The following ELL2 variants were observed in gnomAD, a reference collection of about 807,000 sequenced individuals.
ELL2 encodes RNA polymerase II elongation factor ELL2.
In ELL2, 21 loss-of-function variants were observed where a neutral mutation model predicts 72.8. The observed-to-expected ratio is 0.29, with a 90% CI of 0.20 to 0.42. The LOEUF (loss-of-function observed/expected upper bound fraction) is 0.42. Among genes scored for constraint, ELL2 ranks in the 10% least tolerant of loss-of-function variants. The pLI, the probability that ELL2 is intolerant of heterozygous loss-of-function variation, is 1.00. For synonymous variants in ELL2, 266 were observed against 283.2 expected (o/e 0.94, Z 0.61); for missense variants, 568 against 772.8 (o/e 0.73, Z 3.14).
rs138685952 is a variant in ELL2, at chr5:95,931,859, A to G, written c.195+11143T>C. The stretch of plus-strand genomic sequence containing the variant: ...ATTCCCAGAGTCCCAGATACTAGCT[A>G]CAGCACAACAAAGAAACAAAGAAAA... On this transcript the variant is annotated intron_variant, in intron 2 of 11. Coordinates refer to ENST00000237853, the MANE Select transcript of ELL2 (RefSeq NM_012081.6). 1.1e-4 allele frequency among the ~76,000 whole-genome samples: 17 copies of G among 150,290 alleles called. No homozygotes were observed. The East Asian group carries it at 3.1e-3, about 27-fold the overall frequency.
intron 4 of ELL2, among the ~76,000 whole-genome samples, chr5:95,911,567 C>T (rs1317858098): frequency 4.6e-5 from 7 of 151,980 alleles, no homozygotes; most frequent in Admixed American, 3.9e-4. Context: ...AGGATGGTCT[C>T]GATCTCTTGA....
At chr5:95,893,636 C>T (rs1358355333) in intron 9 of ELL2, among the ~76,000 whole-genome samples, 3 of 152,182 alleles carry the variant, frequency 2.0e-5, no homozygotes, top group Admixed American at 6.5e-5. Flanking sequence ...CCGCCCACCT[C>T]GGCCTCCCAC....
At chr5:95,941,659 T>C (rs1400708582) in intron 2 of ELL2, among the ~76,000 whole-genome samples, 1 of 152,176 alleles carries the variant, frequency 6.6e-6, no homozygotes, top group East Asian at 1.9e-4. Context: ...GTAAGAGAAA[T>C]GCAGCTCAAA....
chr5:95,939,630 C>T (rs530796600), intron 2 of ELL2, among the ~76,000 whole-genome samples: 2 of 152,152 alleles, frequency 1.3e-5, no homozygotes, highest in Non-Finnish European at 2.9e-5. Context: ...AGCTCTGCCT[C>T]TATTAACTGT....
rs1253530728 is a variant in ELL2 at position 95,886,814 on chromosome 5, CT to C, written c.*2056del. 1.3e-5 allele frequency: 2 copies of C among 152,146 alleles called. No individual in the cohort carries two copies. The highest frequency in any genetic ancestry group is 2.9e-5 in the Non-Finnish European group (2 of 68,030). The allele number at this position is 152,146 out of a possible 1,614,324, so 9.4% of individuals were successfully genotyped here. On this transcript the variant is annotated 3_prime_UTR_variant, in exon 12 of 12. Transcript: ENST00000237853. ...CTGTGAAAATGCAGATACTTGGGCC[CT>C]ATACCTAGAGATTCTAACTCAGGTG... is the stretch of plus-strand genomic sequence containing the variant.
chr5:95,923,800 C>T (rs1479126183), intron 2 of ELL2, among the ~76,000 whole-genome samples: 1 of 152,230 alleles, frequency 6.6e-6, no homozygotes, highest in Non-Finnish European at 1.5e-5. Context: ...GCAAATTTTA[C>T]ATCCTTAAAA....
In ELL2 at chr5:95,886,163, G is replaced by C. The variant is rs1748457867; in HGVS notation, c.*2708C>G. On this transcript the variant is annotated 3_prime_UTR_variant, in exon 12 of 12. Coordinates refer to ENST00000237853, the MANE Select transcript of ELL2 (RefSeq NM_012081.6). ...GATAAATTCTTCCACCGGAGTAACT[G>C]ACATTAAGTGGCCACTATTCCTGTA... The C allele has an allele frequency of 6.6e-6, 1 of 152,156 alleles. No individual in the cohort carries two copies. Among genetic ancestry groups the C allele is most frequent in the Non-Finnish European group, 1.5e-5 (1 of 68,016 alleles). The allele number at this position is 152,156 out of a possible 1,614,324, so 9.4% of individuals were successfully genotyped here.
In ELL2 at chr5:95,927,468, TATAGACATACACACAC is replaced by T. The variant is rs1750368810; in HGVS notation, c.196-7939_196-7924del. Among the ~76,000 whole-genome samples, 5 of 39,508 alleles carry T rather than the reference TATAGACATACACACAC, an allele frequency of 1.3e-4. 1 individual carries two copies. The highest frequency in any genetic ancestry group is 4.7e-4 in the African/African-American group (2 of 4,216). 25.9% of individuals were successfully genotyped at this position (39,508 alleles called of 152,430 possible). A position where few individuals can be genotyped will look rare whatever the true frequency, so the allele number is the denominator to read the frequency against. On this transcript the variant is annotated intron_variant, in intron 2 of 11. Transcript: ENST00000237853. Reference sequence around the variant, plus strand: ...ATAGACATACACACACACGTGTGTATATAGACATACACACACGTGTGTATATAGACATACACACACG... The same window carrying T: ...ATAGACATACACACACACGTGTGTATGTGTGTATATAGACATACACACACG...
At chr5:95,955,142 C>A (rs183922060) in intron 1 of ELL2, among the ~76,000 whole-genome samples, 30 of 152,188 alleles carry the variant, frequency 2.0e-4, no homozygotes, top group African/African-American at 7.0e-4. Context: ...GAGATGTGGT[C>A]CCCATCCAGT....
chr5:95,942,547 GA>G (rs1751006836), intron 2 of ELL2, among the ~76,000 whole-genome samples: 2 of 151,980 alleles, frequency 1.3e-5, no homozygotes, highest in South Asian at 4.1e-4. Context: ...CTGTATATAT[GA>G]AAAACTCAAT....
At chr5:95,889,439 C>T (rs769805116) in intron 10 of ELL2, among the ~76,000 whole-genome samples, 3 of 152,094 alleles carry the variant, frequency 2.0e-5, no homozygotes, top group African/African-American at 7.2e-5. Context: ...TCAATCTATA[C>T]AAAGGATACT....
intron 2 of ELL2, among the ~76,000 whole-genome samples, chr5:95,923,240 GA>G (rs11401689): frequency 3.8e-4 from 54 of 142,072 alleles, no homozygotes; most frequent in Non-Finnish European, 3.7e-4. Context: ...AAAATAAAGT[GA>G]AAAAAAAAAA....
At chr5:95,911,852 G>C (rs567605842) in intron 4 of ELL2, among the ~76,000 whole-genome samples, 2 of 152,212 alleles carry the variant, frequency 1.3e-5, no homozygotes, top group African/African-American at 4.8e-5. Flanking sequence ...GAACACTGCT[G>C]TGACGGTGAG....
At chr5:95,919,275 G>A in intron 3 of ELL2, 149 bp downstream of exon 3, 1 of 982,348 alleles carries the variant, frequency 1.0e-6, no homozygotes, top group Non-Finnish European at 1.4e-6. Context: ...CACAGTAGGT[G>A]CTTAATATTT....
intron 1 of ELL2, among the ~76,000 whole-genome samples, chr5:95,958,667 G>A (rs139205300): frequency 2.0e-5 from 3 of 152,226 alleles, no homozygotes; most frequent in African/African-American, 7.2e-5. Context: ...TCCCCCGCAT[G>A]CCACTGTTTC....
chr5:95,942,191 T>G (rs752090122), intron 2 of ELL2, among the ~76,000 whole-genome samples: 1 of 152,200 alleles, frequency 6.6e-6, no homozygotes, highest in Admixed American at 6.5e-5. Flanking sequence ...AATTCAGAAG[T>G]CTGTAGATTT....
At chr5:95,894,678 C>T (rs1385963760) in intron 9 of ELL2, among the ~76,000 whole-genome samples, 1 of 152,182 alleles carries the variant, frequency 6.6e-6, no homozygotes, top group African/African-American at 2.4e-5. Flanking sequence ...GAGATGATAA[C>T]CAGCATTATG....
chr5:95,954,023 T>C (rs938855628), intron 1 of ELL2, among the ~76,000 whole-genome samples: 1 of 152,214 alleles, frequency 6.6e-6, no homozygotes, highest in African/African-American at 2.4e-5. Context: ...AATGCCCTGC[T>C]CAAAACCAAA....
chr5:95,909,105 C>A, intron 4 of ELL2, among the ~76,000 whole-genome samples: 1 of 152,166 alleles, frequency 6.6e-6, no homozygotes, highest in East Asian at 1.9e-4. Context: ...CATGCTTCCC[C>A]AAAGCAGGTA....
Sources: allele counts gnomAD v4.1 joint callset (sites outside exome capture counted in the v4.1 genomes callset), GRCh38; gene constraint gnomAD v4.1.1; transcripts MANE v1.5; gene names NCBI Gene and HGNC (gene_info 2026-07-23, HGNC 2026-07-21).